Variants in PHIP observed in about 807,000 individuals in gnomAD.
PHIP encodes the protein PH-interacting protein.
Under a neutral mutation model 236.8 loss-of-function variants are expected in PHIP, and 54 were observed. That is an observed-to-expected ratio of 0.23 (90% confidence interval 0.18 to 0.29). PHIP has a LOEUF of 0.29. Among genes scored for constraint, PHIP ranks in the 10% least tolerant of loss-of-function variants. The pLI is 1.00. For synonymous variants in PHIP, 756 were observed against 718.9 expected, an observed-to-expected ratio of 1.05 and a Z score of -0.83; for missense variants, 1,370 against 2,190.8, an observed-to-expected ratio of 0.63 and a Z score of 7.48.
At chr6:79,035,396 G>C (rs935383319) in intron 7 of PHIP, among the ~76,000 whole-genome samples, 3 of 152,054 alleles carry the variant, frequency 2.0e-5, no homozygotes, top group Non-Finnish European at 4.4e-5. Context: ...TGTACACATT[G>C]GGAAACAGTT....
Position 78,974,592 on chromosome 6 carries a change from G to GT in PHIP, c.2890-3705dup, listed in dbSNP as rs780223119. Among the ~76,000 whole-genome samples, 47 of 152,050 alleles carry GT rather than the reference G, an allele frequency of 3.1e-4. 1 individual carries two copies. Among genetic ancestry groups the GT allele is most frequent in the Non-Finnish European group, 4.7e-4 (32 of 68,020 alleles). ...AAAAAATTAATGAATCCAGGAGCTG[G>GT]TTTTTTGAAAGATCAACAAAATCGA... On this transcript the variant is annotated intron_variant, in intron 24 of 39. Coordinates refer to ENST00000275034, the MANE Select transcript of PHIP (RefSeq NM_017934.7).
At chr6:79,061,943 T>C (rs1773402328) in intron 4 of PHIP, among the ~76,000 whole-genome samples, 1 of 152,136 alleles carries the variant, frequency 6.6e-6, no homozygotes, top group Non-Finnish European at 1.5e-5. Flanking sequence ...AGGTAGCTAA[T>C]ACCCATCTAA....
intron 19 of PHIP, among the ~76,000 whole-genome samples, chr6:78,995,854 AC>A (rs1769574741): frequency 6.6e-6 from 1 of 152,146 alleles, no homozygotes; most frequent in African/African-American, 2.4e-5. Flanking sequence ...ACTTTAGACT[AC>A]CCACTGGAGA....
chr6:78,958,865 C>T (rs972842309), intron 31 of PHIP, among the ~76,000 whole-genome samples: 1 of 151,808 alleles, frequency 6.6e-6, no homozygotes, highest in Non-Finnish European at 1.5e-5. Flanking sequence ...GGAGGGAGAA[C>T]GTCTATATGG....
At chr6:79,016,478 C>A in intron 13 of PHIP, 66 bp downstream of exon 13, 1 of 898,082 alleles carries the variant, frequency 1.1e-6, no homozygotes. Context: ...TGAGAGTCAC[C>A]AACCTGCACT....
intron 6 of PHIP, among the ~76,000 whole-genome samples, chr6:79,044,090 C>T (rs537224145): frequency 1.3e-5 from 2 of 152,056 alleles, no homozygotes; most frequent in Admixed American, 6.6e-5. Context: ...TCCACACTCC[C>T]GCTGCCCCCA....
chr6:78,966,193 A>G (rs1582123793), intron 27 of PHIP, 137 bp from the exon 28 acceptor site: 1 of 601,386 alleles, frequency 1.7e-6, no homozygotes, highest in East Asian at 2.8e-5. Context: ...AACTCCAAAA[A>G]TAAGTAAGTA....
chr6:79,001,848 C>T (rs1313745444), intron 17 of PHIP, 51 bp downstream of exon 17: 1 of 1,178,092 alleles, frequency 8.5e-7, no homozygotes, highest in Non-Finnish European at 1.3e-6. Flanking sequence ...GCAATTTTAA[C>T]AGTTCGGTGG....
intron 9 of PHIP, among the ~76,000 whole-genome samples, chr6:79,021,890 TA>T (rs1771133420): frequency 6.6e-6 from 1 of 152,118 alleles, no homozygotes; most frequent in South Asian, 2.1e-4. Context: ...TAATTTGTAA[TA>T]CAAAGGATAA....
At position 78,939,120 on chromosome 6, in the gene PHIP, G is replaced by A. The variant is rs1472275421; in HGVS notation, c.*1573C>T. 1 of 151,482 alleles carries A rather than the reference G, an allele frequency of 6.6e-6. No individual in the cohort carries two copies. The highest frequency in any genetic ancestry group is 1.5e-5 in the Non-Finnish European group (1 of 67,624). 9.4% of individuals were successfully genotyped at this position (151,482 alleles called of 1,614,324 possible). On this transcript the variant is annotated 3_prime_UTR_variant, in exon 40 of 40. Transcript: ENST00000275034. ...ACAGTAATTTTTAAACAATAGAAAT[G>A]GTAAGTATGTTGGTTTTTAAGGTAT...
rs368495559 is a variant in PHIP at position 79,060,471 on chromosome 6, A to G, written c.439+7T>C. 1.2e-6 allele frequency: 2 copies of G among 1,602,530 alleles called. No individual in the cohort carries two copies. The highest frequency in any genetic ancestry group is 1.7e-6 in the Non-Finnish European group (2 of 1,173,458). ...CTATTAACTACTAGTGAACTCAAAC[A>G]ACTCACCAATGCTGGGTGGGCTACC... On this transcript the variant is annotated splice_region_variant and intron_variant, in intron 6 of 39. Transcript: ENST00000275034.
At position 78,985,427 on chromosome 6, in the gene PHIP, T is replaced by A; in HGVS notation, c.2462A>T (p.Glu821Val). The A allele has an allele frequency of 6.5e-7, 1 of 1,541,908 alleles. No individual in the cohort carries two copies. The highest frequency in any genetic ancestry group is 9.0e-7 in the Non-Finnish European group (1 of 1,114,218). The change falls in exon 22 of 40, where the codon GAA becomes GTA. Residue 821 changes from glutamate to valine, a missense_variant and splice_region_variant. Physicochemically the swap from Glu to Val is moderately radical, Grantham distance 121. This residue lies in a region of PHIP where 99 missense variants were observed against 110.0 expected (regional missense o/e 0.90). Coordinates refer to ENST00000275034, the MANE Select transcript of PHIP (RefSeq NM_017934.7). ...ACCACTGACAGCAACTACTTCGCCTTCCTAAGATATGTTGAATACATGTCT... is the reference window on the plus strand; with the variant it reads ...ACCACTGACAGCAACTACTTCGCCTACCTAAGATATGTTGAATACATGTCT... Reference protein sequence around the residue: ...EIENGSSSSDEGEVVAVSGGT... With the variant: ...EIENGSSSSDVGEVVAVSGGT...
At chr6:79,006,387 T>C (rs910100759) in intron 15 of PHIP, among the ~76,000 whole-genome samples, 2 of 152,032 alleles carry the variant, frequency 1.3e-5, no homozygotes, top group Admixed American at 6.6e-5. Flanking sequence ...TAACTGGTTT[T>C]AAAATGTATG....
chr6:78,971,434 T>C (rs566292381), intron 24 of PHIP, among the ~76,000 whole-genome samples: 1 of 152,336 alleles, frequency 6.6e-6, no homozygotes, highest in African/African-American at 2.4e-5. Flanking sequence ...GAAGAACGTG[T>C]TTTAAAATGC....
At chr6:79,067,624 C>T (rs1291116894) in intron 4 of PHIP, 1 of 152,122 alleles carries the variant, frequency 6.6e-6, no homozygotes, top group Non-Finnish European at 1.5e-5. Context: ...AGCTTAATGG[C>T]CTTCCAAAAA....
At chr6:78,964,692 C>T (rs551600191) in intron 29 of PHIP, among the ~76,000 whole-genome samples, 281 of 152,224 alleles carry the variant, frequency 1.8e-3, no homozygotes, top group African/African-American at 6.1e-3. Context: ...GGGGTTTCAC[C>T]ATGTTGGTCA....
intron 29 of PHIP, among the ~76,000 whole-genome samples, chr6:78,963,586 T>C (rs1363176874): frequency 6.6e-6 from 1 of 152,200 alleles, no homozygotes; most frequent in East Asian, 1.9e-4. Context: ...CATGTTTACT[T>C]TGATAAAGTA....
intron 9 of PHIP, among the ~76,000 whole-genome samples, chr6:79,025,230 A>G (rs980207087): frequency 1.3e-5 from 2 of 152,190 alleles, no homozygotes; most frequent in Non-Finnish European, 2.9e-5. Context: ...CAGCTATTAA[A>G]ACTATGCAGC....
At chr6:79,008,219 TTCAGGTGTTATCA>T (rs1238393765) in intron 15 of PHIP, among the ~76,000 whole-genome samples, 230 of 151,944 alleles carry the variant, frequency 1.5e-3, no homozygotes, top group African/African-American at 5.1e-3. Flanking sequence ...ATTCCAACAG[TTCAGGTGTTATCA>T]AATTACTTTA....
Sources: gnomAD v4.1 joint callset for allele counts (sites outside exome capture counted in the v4.1 genomes callset) on GRCh38, gnomAD v4.1.1 for gene constraint, gnomAD v4.1.1 regional missense constraint, MANE v1.5 for transcripts, NCBI Gene and HGNC (gene_info 2026-07-23, HGNC 2026-07-21) for gene names.